The following MDGA2 variants were observed in gnomAD, a reference collection of about 807,000 sequenced individuals.
The protein encoded by MDGA2 is MAM domain-containing glycosylphosphatidylinositol anchor protein 2.
In MDGA2, 40 loss-of-function variants were observed where a neutral mutation model predicts 117.8. The ratio of observed to expected loss-of-function variants is 0.34; its 90% confidence interval spans 0.26 to 0.44. The LOEUF (loss-of-function observed/expected upper bound fraction) is 0.44. Among genes scored for constraint, MDGA2 ranks in the 20% least tolerant of loss-of-function variants. MDGA2 has a pLI of 1.00. For synonymous variants in MDGA2, 452 were observed against 439.0 expected, an observed-to-expected ratio of 1.03 and a Z score of -0.37; for missense variants, 1,123 against 1,250.6, an observed-to-expected ratio of 0.90 and a Z score of 1.54.
intron 2 of MDGA2, among the ~76,000 whole-genome samples, chr14:47,225,286 T>C (rs1886445580): frequency 6.6e-6 from 1 of 151,910 alleles, no homozygotes; most frequent in South Asian, 2.1e-4. Context: ...AGAAATACCA[T>C]TTGACCCAGC....
At chr14:47,442,170 T>A (rs1367655321) in intron 1 of MDGA2, among the ~76,000 whole-genome samples, 2 of 152,174 alleles carry the variant, frequency 1.3e-5, no homozygotes, top group Non-Finnish European at 2.9e-5. Flanking sequence ...TACTTTGAGT[T>A]CTTGTTTTGT....
chr14:46,986,455 C>G (rs956865710), intron 8 of MDGA2, among the ~76,000 whole-genome samples: 5 of 152,062 alleles, frequency 3.3e-5, no homozygotes, highest in African/African-American at 1.2e-4. Flanking sequence ...TGAAGGCTGA[C>G]AACCTGGGCA....
At chr14:47,443,613 TTTG>T (rs1893060227) in intron 1 of MDGA2, among the ~76,000 whole-genome samples, 1 of 152,202 alleles carries the variant, frequency 6.6e-6, no homozygotes. Flanking sequence ...TATGTTGTAT[TTTG>T]TTTTTATAAT....
chr14:47,579,020 T>C (rs1594927312), intron 1 of MDGA2, among the ~76,000 whole-genome samples: 1 of 152,254 alleles, frequency 6.6e-6, no homozygotes, highest in African/African-American at 2.4e-5. Context: ...GCTATTTGGG[T>C]TCAATTTTTT....
intron 3 of MDGA2, among the ~76,000 whole-genome samples, chr14:47,166,510 T>C (rs1196541957): frequency 6.6e-6 from 1 of 152,192 alleles, no homozygotes; most frequent in Non-Finnish European, 1.5e-5. Flanking sequence ...TTTAACAACA[T>C]TGGCTCTCTC....
At chr14:47,086,436 C>T (rs1026288625) in intron 6 of MDGA2, among the ~76,000 whole-genome samples, 2 of 151,960 alleles carry the variant, frequency 1.3e-5, no homozygotes, top group African/African-American at 4.8e-5. Flanking sequence ...CAGAAAAACA[C>T]GGCAAACAGA....
chr14:47,102,127 C>T (rs1880357966), intron 5 of MDGA2, among the ~76,000 whole-genome samples: 1 of 152,102 alleles, frequency 6.6e-6, no homozygotes, highest in South Asian at 2.1e-4. Context: ...ATCATCTTTA[C>T]ATCCTTACAG....
intron 8 of MDGA2, among the ~76,000 whole-genome samples, chr14:47,011,697 T>G (rs1887900828): frequency 6.6e-6 from 1 of 152,026 alleles, no homozygotes; most frequent in Non-Finnish European, 1.5e-5. Flanking sequence ...CTGCTTCTTA[T>G]ATATACAGGT....
At chr14:47,406,155 G>A (rs1892256145) in intron 1 of MDGA2, among the ~76,000 whole-genome samples, 1 of 151,874 alleles carries the variant, frequency 6.6e-6, no homozygotes, top group Non-Finnish European at 1.5e-5. Context: ...TCACACTGCT[G>A]GTAGACGTGC....
At chr14:46,902,542 T>C (rs1408401790) in intron 10 of MDGA2, among the ~76,000 whole-genome samples, 2 of 152,222 alleles carry the variant, frequency 1.3e-5, no homozygotes, top group East Asian at 3.8e-4. Flanking sequence ...CTTTCTTTTC[T>C]ATGCTAAGAG....
chr14:47,027,724 T>C (rs1032092867), intron 8 of MDGA2, among the ~76,000 whole-genome samples: 3 of 151,706 alleles, frequency 2.0e-5, no homozygotes, highest in Admixed American at 1.3e-4. Flanking sequence ...ATTTGCCCCT[T>C]AGTTATATAT....
intron 4 of MDGA2, among the ~76,000 whole-genome samples, chr14:47,135,489 T>C (rs941682146): frequency 6.6e-6 from 1 of 152,182 alleles, no homozygotes; most frequent in Non-Finnish European, 1.5e-5. Context: ...TAGCATACAT[T>C]ATAGGACATA....
chr14:47,274,560 C>G (rs991559470), intron 2 of MDGA2, among the ~76,000 whole-genome samples: 1 of 151,860 alleles, frequency 6.6e-6, no homozygotes, highest in Non-Finnish European at 1.5e-5. Context: ...AGTTTTTGTG[C>G]GAAGGTATGT....
At chr14:47,379,604 A>T (rs917808953) in intron 1 of MDGA2, among the ~76,000 whole-genome samples, 5 of 152,226 alleles carry the variant, frequency 3.3e-5, no homozygotes, top group Non-Finnish European at 7.3e-5. Context: ...TTAAACCAAC[A>T]GAGATCAAAA....
chr14:46,909,602 C>T (rs535548287), intron 10 of MDGA2, among the ~76,000 whole-genome samples: 2 of 152,076 alleles, frequency 1.3e-5, no homozygotes, highest in Admixed American at 1.3e-4. Context: ...TACTAAGATA[C>T]CTTCTAATAT....
intron 8 of MDGA2, among the ~76,000 whole-genome samples, chr14:47,007,894 C>G (rs1230086911): frequency 1.3e-5 from 2 of 151,756 alleles, no homozygotes; most frequent in African/African-American, 4.8e-5. Context: ...CTAAAATACT[C>G]AAGTATATTC....
At chr14:46,913,981 T>C (rs1209782533) in intron 10 of MDGA2, among the ~76,000 whole-genome samples, 1 of 152,114 alleles carries the variant, frequency 6.6e-6, no homozygotes. Flanking sequence ...CAATTATGGA[T>C]TTTTTTAAAA....
intron 9 of MDGA2, among the ~76,000 whole-genome samples, chr14:46,951,727 C>T (rs1351444430): frequency 1.3e-5 from 2 of 152,018 alleles, no homozygotes; most frequent in South Asian, 2.1e-4. Context: ...CCCAGTTGAG[C>T]GTCTAGATAA....
intron 1 of MDGA2, among the ~76,000 whole-genome samples, chr14:47,521,479 G>A (rs908532821): frequency 6.6e-6 from 1 of 152,110 alleles, no homozygotes; most frequent in African/African-American, 2.4e-5. Flanking sequence ...CAGAGCAGTA[G>A]TAATTAGGCT....
Sources: allele counts gnomAD v4.1 joint callset (sites outside exome capture counted in the v4.1 genomes callset), GRCh38; gene constraint gnomAD v4.1.1; transcripts MANE v1.5; gene names NCBI Gene and HGNC (gene_info 2026-07-23, HGNC 2026-07-21).